CFHR5: variants seen among roughly 807,000 people sequenced by gnomAD.
The protein encoded by CFHR5 is complement factor H-related protein 5.
Under a neutral mutation model 62.9 loss-of-function variants are expected in CFHR5, and 73 were observed. The ratio of observed to expected loss-of-function variants is 1.16; its 90% confidence interval spans 0.96 to 1.41. The LOEUF is 1.41. CFHR5 is among the 40% of genes most tolerant of loss of function. The pLI is 0.00. For missense variants in CFHR5, 779 were observed against 679.9 expected (o/e 1.15, Z -1.62); for synonymous variants, 249 against 227.2 (o/e 1.10, Z -0.86).
Position 196,984,000 on chromosome 1 carries a change from A to G in CFHR5, c.293A>G (p.Glu98Gly). ...SFPFVKNGHS[E>G]SSGLIHLEGD... ...CCTTTTGTGAAAAATGGTCATTCTGAATCTTCAGGACTAATACATCTGGAA... is the reference window on the plus strand; with the variant it reads ...CCTTTTGTGAAAAATGGTCATTCTGGATCTTCAGGACTAATACATCTGGAA... The change falls in exon 3 of 10, where the codon GAA becomes GGA. Residue 98 changes from glutamate (E) to glycine (G), a missense_variant. By Grantham distance (98) the Glu-to-Gly change is moderately conservative. Coordinates refer to ENST00000256785, the MANE Select transcript of CFHR5 (RefSeq NM_030787.4). 3.7e-6 allele frequency: 6 copies of G among 1,612,490 alleles called. No individual in the cohort carries two copies. The highest frequency in any genetic ancestry group is 5.1e-6 in the Non-Finnish European group (6 of 1,178,976).
chr1:196,976,190 G>A (rs6702632), upstream of CFHR5, among the ~76,000 whole-genome samples: 2,039 of 152,268 alleles, frequency 0.013, 36 homozygotes, highest in African/African-American at 0.044. Context: ...CTGGTTTCTT[G>A]ATTGGACATA....
intron 3 of CFHR5, among the ~76,000 whole-genome samples, chr1:196,985,911 A>C (rs2125028471): frequency 6.6e-6 from 1 of 152,348 alleles, no homozygotes; most frequent in African/African-American, 2.4e-5. Flanking sequence ...TGTCAAAATA[A>C]ACTTGTTTCA....
rs565171231 is a variant in CFHR5 at position 197,004,707 on chromosome 1, T to C, written c.1377T>C (p.Asp459=). Reference sequence around the variant, plus strand: ...CCCCTCCATCTATTAACAATGGAGATACCACCTCATTCCCATTATCAGTAT... The same window carrying C: ...CCCCTCCATCTATTAACAATGGAGACACCACCTCATTCCCATTATCAGTAT... The part of the protein sequence containing the change: ...CGPPPSINNG[D]TTSFPLSVYP... The change falls in exon 9 of 10, where the codon GAT becomes GAC. Residue 459 remains aspartate (D), a synonymous_variant. Coordinates refer to ENST00000256785, the MANE Select transcript of CFHR5 (RefSeq NM_030787.4). The C allele has an allele frequency of 2.5e-6, 4 of 1,612,844 alleles. No individual in the cohort carries two copies. Among genetic ancestry groups the C allele is most frequent in the East Asian group, 2.2e-5 (1 of 44,870 alleles).
Position 197,004,701 on chromosome 1 carries a change from T to C in CFHR5, c.1371T>C (p.Asn457=). 1 of 1,613,720 alleles carries C rather than the reference T, an allele frequency of 6.2e-7. No homozygotes were observed. Among genetic ancestry groups the C allele is most frequent in the Non-Finnish European group, 8.5e-7 (1 of 1,179,686 alleles). ...GTGGGCCCCCTCCATCTATTAACAA[T>C]GGAGATACCACCTCATTCCCATTAT... is the stretch of plus-strand genomic sequence containing the variant. ...AYCGPPPSIN[N]GDTTSFPLSV... The change falls in exon 9 of 10, where the codon AAT becomes AAC. Residue 457 remains asparagine (N), a synonymous_variant. Transcript: ENST00000256785.
chr1:196,998,372 GA>G (rs1269818772), intron 7 of CFHR5, 68 bp downstream of exon 7: 2 of 1,277,266 alleles, frequency 1.6e-6, no homozygotes, highest in Non-Finnish European at 2.2e-6. Flanking sequence ...TTTGAAATTA[GA>G]ATGTTTTTAA....
intron 1 of CFHR5, among the ~76,000 whole-genome samples, chr1:196,980,736 A>G (rs1291673726): frequency 6.6e-6 from 1 of 152,052 alleles, no homozygotes; most frequent in East Asian, 1.9e-4. Flanking sequence ...TTGCCAAAGG[A>G]CGATAACACT....
Position 197,002,491 on chromosome 1 carries a change from A to T in CFHR5, c.1157A>T (p.Glu386Val). ...NPEVDCTEKREQFCPPPPQIP... is the reference protein window; with the variant it reads ...NPEVDCTEKRVQFCPPPPQIP... Reference sequence around the variant, plus strand: ...TTCCAATATTTTGTAGAAAAAAGGGAACAATTCTGCCCACCGCCACCTCAG... The same window carrying T: ...TTCCAATATTTTGTAGAAAAAAGGGTACAATTCTGCCCACCGCCACCTCAG... The change falls in exon 8 of 10, where the codon GAA (glutamate) becomes GTA (valine). Residue 386 changes from glutamate (E) to valine (V), a missense_variant. Transcript: ENST00000256785. 1 of 1,612,604 alleles carries T rather than the reference A, an allele frequency of 6.2e-7. No individual in the cohort carries two copies. Among genetic ancestry groups the T allele is most frequent in the Non-Finnish European group, 8.5e-7 (1 of 1,179,000 alleles).
intron 9 of CFHR5, among the ~76,000 whole-genome samples, chr1:197,007,667 CAT>C (rs932448776): frequency 4.7e-5 from 7 of 147,402 alleles, no homozygotes; most frequent in South Asian, 2.1e-4. Context: ...ACATATGTAA[CAT>C]ATCTAAATAT....
intron 3 of CFHR5, among the ~76,000 whole-genome samples, chr1:196,989,086 G>GTT (rs201247969): frequency 0.038 from 5,840 of 152,150 alleles, 174 homozygotes; most frequent in Non-Finnish European, 0.061. Context: ...CTTCTTCTTG[G>GTT]TTTAGTCTTG....
intron 3 of CFHR5, among the ~76,000 whole-genome samples, chr1:196,984,818 T>C (rs1180589031): frequency 6.6e-6 from 1 of 152,186 alleles, no homozygotes; most frequent in Non-Finnish European, 1.5e-5. Flanking sequence ...TTCTCTCTGC[T>C]ACTATGTCCA....
At position 196,994,558 on chromosome 1, in the gene CFHR5, G is replaced by T. The variant is rs1293821379; in HGVS notation, c.607+302G>T. Among the ~76,000 whole-genome samples, 6 of 152,070 alleles carry T rather than the reference G, an allele frequency of 3.9e-5. No individual in the cohort carries two copies. The East Asian group carries it at 1.2e-3, about 29-fold the overall frequency. The stretch of plus-strand genomic sequence containing the variant: ...CTCAATAAAAAATTTATACTTTTTA[G>T]AAATATTGTACGAACAATGTTATAT... On this transcript the variant is annotated intron_variant, in intron 4 of 9. Transcript: ENST00000256785.
At chr1:196,994,798 T>C (rs1351063282) in intron 4 of CFHR5, among the ~76,000 whole-genome samples, 2 of 152,146 alleles carry the variant, frequency 1.3e-5, no homozygotes, top group East Asian at 3.8e-4. Context: ...ACTCACAGTT[T>C]CACGTGGCTG....
At chr1:196,976,482 A>C (rs773398370), upstream of CFHR5, among the ~76,000 whole-genome samples, 1 of 152,140 alleles carries the variant, frequency 6.6e-6, no homozygotes, top group Non-Finnish European at 1.5e-5. Context: ...CTGCCTGCCC[A>C]TCCAGGGTTC....
In CFHR5 at chr1:197,001,549, GT is replaced by G. The variant is rs957906675; in HGVS notation, c.1148-925del. The stretch of plus-strand genomic sequence containing the variant: ...AATAATTTTTTTTTTCACTGAATAT[GT>G]TTTTTTTAATTATTGTTATACTTTA... On this transcript the variant is annotated intron_variant, in intron 7 of 9. Coordinates refer to ENST00000256785, the MANE Select transcript of CFHR5 (RefSeq NM_030787.4). Among the ~76,000 whole-genome samples, 15 of 147,798 alleles carry G rather than the reference GT, an allele frequency of 1.0e-4. No homozygotes were observed. The Middle Eastern group carries it at 0.01, about 101-fold the overall frequency.
intron 3 of CFHR5, among the ~76,000 whole-genome samples, chr1:196,991,343 C>T (rs1002787404): frequency 6.6e-6 from 1 of 152,022 alleles, no homozygotes; most frequent in Admixed American, 6.6e-5. Context: ...TTGTTATTAC[C>T]AATCTTCTGA....
rs148050899 is a variant in CFHR5, at chr1:196,981,677, C to T, written c.59-1208C>T. Among the ~76,000 whole-genome samples the T allele has an allele frequency of 7.6e-3, 1,157 of 151,868 alleles. 10 individuals carry two copies. The highest frequency in any genetic ancestry group is 0.02 in the South Asian group (97 of 4,800). On this transcript the variant is annotated intron_variant, in intron 1 of 9. Coordinates refer to ENST00000256785, the MANE Select transcript of CFHR5 (RefSeq NM_030787.4). ...CATTAGTATCCTTAAGGAATTGTTC[C>T]AGGACTCTTTTCACCCCCAGCAGAT...
At chr1:196,991,698 C>T (rs1653851090) in intron 3 of CFHR5, among the ~76,000 whole-genome samples, 1 of 152,198 alleles carries the variant, frequency 6.6e-6, no homozygotes, top group African/African-American at 2.4e-5. Flanking sequence ...CCAGCAGAGG[C>T]TGCAGAACAG....
chr1:196,994,128 C>CA lies in CFHR5; in HGVS notation c.486dup (p.Glu163ArgfsTer35), dbSNP rs565457964. The stretch of plus-strand genomic sequence containing the variant: ...TTAGAAGCCAATGTAGATGCTCAGC[C>CA]AAAAAAAGAAAGCTACAAAGTTGGA... On this transcript the variant is annotated frameshift_variant, in exon 4 of 10. Coordinates refer to ENST00000256785, the MANE Select transcript of CFHR5 (RefSeq NM_030787.4). LOFTEE classifies it high-confidence loss of function. The CA allele has an allele frequency of 3.6e-3, 5,796 of 1,612,922 alleles. 16 individuals are homozygous for CA. The highest frequency in any genetic ancestry group is 4.4e-3 in the Non-Finnish European group (5,175 of 1,179,554).
intron 7 of CFHR5, among the ~76,000 whole-genome samples, chr1:197,001,659 G>C (rs368639184): frequency 6.6e-6 from 1 of 151,196 alleles, no homozygotes; most frequent in Non-Finnish European, 1.5e-5. Flanking sequence ...CCATTAACTC[G>C]TCATTTAGCA....
Sources: allele counts gnomAD v4.1 joint callset (sites outside exome capture counted in the v4.1 genomes callset), GRCh38; gene constraint gnomAD v4.1.1; transcripts MANE v1.5; gene names NCBI Gene and HGNC (gene_info 2026-07-23, HGNC 2026-07-21).